DENND2B: variants seen among roughly 807,000 people sequenced by gnomAD.
DENND2B encodes DENN domain-containing protein 2B.
Under a neutral mutation model 116.0 loss-of-function variants are expected in DENND2B, and 32 were observed. That is an observed-to-expected ratio of 0.28 (90% CI 0.21 to 0.37). The LOEUF (loss-of-function observed/expected upper bound fraction) is 0.37. Among genes scored for constraint, DENND2B ranks in the 10% least tolerant of loss-of-function variants. DENND2B has a pLI of 1.00. For missense variants in DENND2B, 1,276 were observed against 1,477.7 expected (o/e 0.86, Z 2.24); for synonymous variants, 588 against 583.9 (o/e 1.01, Z -0.10).
chr11:8,720,879 C>G (rs1381483015), intron 4 of DENND2B, among the ~76,000 whole-genome samples: 1 of 152,088 alleles, frequency 6.6e-6, no homozygotes, highest in Non-Finnish European at 1.5e-5. Context: ...TGCAGAACAT[C>G]CTAGGGAGGA....
At position 8,698,914 on chromosome 11, in the gene DENND2B, C is replaced by G. The variant is rs775493606; in HGVS notation, c.2940+19G>C. 1.2e-6 allele frequency: 2 copies of G among 1,614,114 alleles called. No homozygotes were observed. Among genetic ancestry groups the G allele is most frequent in the Non-Finnish European group, 1.7e-6 (2 of 1,180,016 alleles). On this transcript the variant is annotated intron_variant, in intron 16 of 19. Coordinates refer to ENST00000313726, the MANE Select transcript of DENND2B (RefSeq NM_213618.2). The stretch of plus-strand genomic sequence containing the variant: ...AGGGTGCTCAGGAGCCCAACTCTAG[C>G]AAGCACCCACCCTCTTACCTGTCGG...
intron 2 of DENND2B, among the ~76,000 whole-genome samples, chr11:8,732,054 G>A (rs1357006615): frequency 6.6e-6 from 1 of 152,160 alleles, no homozygotes; most frequent in Non-Finnish European, 1.5e-5. Context: ...GAGGGCCTCA[G>A]ACAGGTCAGA....
chr11:8,780,704 G>A (rs1158032581), intron 1 of DENND2B, among the ~76,000 whole-genome samples: 2 of 152,188 alleles, frequency 1.3e-5, no homozygotes, highest in Non-Finnish European at 2.9e-5. Context: ...AGTTTTCTGA[G>A]AAAAGAATGA....
chr11:8,742,023 T>G (rs2050310213), intron 2 of DENND2B, among the ~76,000 whole-genome samples: 1 of 152,230 alleles, frequency 6.6e-6, no homozygotes, highest in Non-Finnish European at 1.5e-5. Flanking sequence ...CGTGAGTAGC[T>G]GGGAGCACAG....
chr11:8,848,913 G>A (rs186834761), intron 3 of DENND2B, among the ~76,000 whole-genome samples: 12 of 151,920 alleles, frequency 7.9e-5, no homozygotes, highest in African/African-American at 2.7e-4. Context: ...CAGTAAAGCA[G>A]ATTCTTAACC....
At chr11:8,808,831 C>T (rs1431896286) in intron 1 of DENND2B, 1 of 152,152 alleles carries the variant, frequency 6.6e-6, no homozygotes, top group African/African-American at 2.4e-5. Flanking sequence ...GATACTTGCC[C>T]GTGGCCGCCC....
At chr11:8,851,341 T>C (rs2063000378) in intron 3 of DENND2B, among the ~76,000 whole-genome samples, 1 of 151,924 alleles carries the variant, frequency 6.6e-6, no homozygotes, top group Non-Finnish European at 1.5e-5. Flanking sequence ...AACAAAAACA[T>C]GTAAATCATA....
intron 4 of DENND2B, among the ~76,000 whole-genome samples, chr11:8,821,442 A>T (rs76778100): frequency 6.6e-6 from 1 of 151,276 alleles, no homozygotes; most frequent in African/African-American, 2.4e-5. Flanking sequence ...AAAAAAAAAA[A>T]TTAGCACAAG....
chr11:8,804,249 G>C (rs2060622630), intron 1 of DENND2B, among the ~76,000 whole-genome samples: 1 of 152,170 alleles, frequency 6.6e-6, no homozygotes, highest in Non-Finnish European at 1.5e-5. Flanking sequence ...AGGTCTGAAA[G>C]GGCAGTCCTC....
At chr11:8,795,553 T>C (rs1188702966) in intron 1 of DENND2B, among the ~76,000 whole-genome samples, 1 of 152,170 alleles carries the variant, frequency 6.6e-6, no homozygotes, top group Non-Finnish European at 1.5e-5. Context: ...AGCTCTGCAA[T>C]CTGGAGTTCT....
At position 8,730,320 on chromosome 11, in the gene DENND2B, C is replaced by A; in HGVS notation, c.970G>T (p.Glu324Ter). ...KRKTGTLGSL[E>*]EPAGGASVSA... ...ACACTCGCGCCCCCTGCCGGCTCCT[C>A]CAAGGAGCCCAAGGTTCCAGTCTTC... is the stretch of plus-strand genomic sequence containing the variant. Residue 324 changes from glutamate (E) to a stop codon, truncating the protein, a stop_gained, in exon 3 of 20, where the codon GAG becomes TAG. Coordinates refer to ENST00000313726, the MANE Select transcript of DENND2B (RefSeq NM_213618.2). LOFTEE classifies it high-confidence loss of function. The surrounding 1 kb of genome is among the most constrained non-coding windows in gnomAD (Gnocchi z 4.1). 6.2e-7 allele frequency: 1 copy of A among 1,600,666 alleles called. No homozygotes were observed. Among genetic ancestry groups the A allele is most frequent in the Admixed American group, 1.7e-5 (1 of 59,174 alleles).
At chr11:8,827,319 C>T (rs2062016813) in intron 4 of DENND2B, among the ~76,000 whole-genome samples, 1 of 152,224 alleles carries the variant, frequency 6.6e-6, no homozygotes, top group Non-Finnish European at 1.5e-5. Flanking sequence ...CAGCAGAACA[C>T]TCCCTTCTTA....
intron 3 of DENND2B, among the ~76,000 whole-genome samples, chr11:8,846,024 C>A (rs1354234384): frequency 6.6e-6 from 1 of 152,192 alleles, no homozygotes; most frequent in African/African-American, 2.4e-5. Flanking sequence ...TCAGCTCCTA[C>A]AAGCCCTTCG....
chr11:8,707,042 C>A lies in DENND2B; in HGVS notation c.2571+43G>T, dbSNP rs2133764258. 3 of 1,587,736 alleles carry A rather than the reference C, an allele frequency of 1.9e-6. No homozygotes were observed. Among genetic ancestry groups the A allele is most frequent in the South Asian group, 1.2e-5 (1 of 86,032 alleles). ...CTTGGCCAGCATGGTCCTCCTGCCA[C>A]CCCAGCCCGTAGCCCGAGAGAAGAG... On this transcript the variant is annotated intron_variant, in intron 13 of 19. Coordinates refer to ENST00000313726, the MANE Select transcript of DENND2B (RefSeq NM_213618.2). This position sits in a 1 kb window ranked among gnomAD's most constrained non-coding sequence, Gnocchi z 4.8.
chr11:8,830,655 G>A (rs1025759203), intron 4 of DENND2B: 1 of 152,292 alleles, frequency 6.6e-6, no homozygotes, highest in South Asian at 2.1e-4. Context: ...GGAGAGAAGA[G>A]GTGGAATTAA....
intron 1 of DENND2B, among the ~76,000 whole-genome samples, chr11:8,763,811 T>C (rs1171349119): frequency 6.6e-6 from 1 of 152,016 alleles, no homozygotes; most frequent in African/African-American, 2.4e-5. Context: ...TTTGTTGACT[T>C]GGATACATAT....
intron 19 of DENND2B, 87 bp from the exon 20 acceptor site, chr11:8,694,217 C>T (rs1171673754): frequency 7.4e-6 from 11 of 1,487,810 alleles, no homozygotes; most frequent in Non-Finnish European, 9.3e-6. Context: ...CTAACCCTGT[C>T]AGTGGGAGAG....
chr11:8,774,360 T>C (rs2057339701), intron 1 of DENND2B: 1 of 978,878 alleles, frequency 1.0e-6, no homozygotes, highest in Non-Finnish European at 1.2e-6. Context: ...CACACCTTTG[T>C]TGACAGAAAC....
chr11:8,704,189 G>T (rs1483725771), intron 13 of DENND2B, among the ~76,000 whole-genome samples: 3 of 152,248 alleles, frequency 2.0e-5, no homozygotes. Context: ...TGGGAGTCCA[G>T]TGTCAGGACA....
Sources: gnomAD v4.1 joint callset for allele counts (sites outside exome capture counted in the v4.1 genomes callset) on GRCh38, gnomAD v4.1.1 for gene constraint, Gnocchi (gnomAD v3.1) non-coding constraint, MANE v1.5 for transcripts, NCBI Gene and HGNC (gene_info 2026-07-23, HGNC 2026-07-21) for gene names.